CORO2B: variants seen among roughly 807,000 people sequenced by gnomAD.
The protein encoded by CORO2B is coronin-2B.
In CORO2B, 26 loss-of-function variants were observed where a neutral mutation model predicts 58.8. The observed-to-expected ratio is 0.44, with a 90% CI of 0.32 to 0.61. The LOEUF is 0.61. Ranked by LOEUF, CORO2B falls within the 20% of genes least tolerant of loss-of-function variation. CORO2B has a pLI of 0.04. For missense variants in CORO2B, 460 were observed against 645.1 expected (o/e 0.71, Z 3.11); for synonymous variants, 242 against 253.8 (o/e 0.95, Z 0.44).
At chr15:68,640,885 G>A (rs1384924544) in intron 1 of CORO2B, among the ~76,000 whole-genome samples, 1 of 152,218 alleles carries the variant, frequency 6.6e-6, no homozygotes, top group Non-Finnish European at 1.5e-5. Flanking sequence ...GAGCAGCAAA[G>A]TGTCTTTCCC....
chr15:68,653,631 G>A (rs1158332230), intron 2 of CORO2B, among the ~76,000 whole-genome samples: 2 of 152,318 alleles, frequency 1.3e-5, no homozygotes, highest in South Asian at 2.1e-4. Context: ...TAACTCTGGA[G>A]CTGAATCTAG....
the CORO2B span, among the ~76,000 whole-genome samples, chr15:68,533,337 G>A: frequency 2.0e-5 from 3 of 152,322 alleles, no homozygotes; most frequent in Admixed American, 6.5e-5. Context: ...TGGAAATCTT[G>A]TGTGCTGAAT....
Position 68,642,035 on chromosome 15 carries a change from CT to C in CORO2B, c.16-3106del, listed in dbSNP as rs33965107. On this transcript the variant is annotated intron_variant, in intron 1 of 11. Transcript: ENST00000261861. ...TGACTCACCTAACCCGGCCTAGCCT[CT>C]TTTTTTTTTTTTTTTTTTGAGACAG... Among the ~76,000 whole-genome samples, 209 of 115,926 alleles carry C rather than the reference CT, an allele frequency of 1.8e-3. 2 individuals are homozygous for C. The highest frequency in any genetic ancestry group is 0.01 in the Middle Eastern group (2 of 196). The allele number at this position is 115,926 out of a possible 152,430, so 76.1% of individuals were successfully genotyped here.
At chr15:68,523,959 C>T in the CORO2B span, among the ~76,000 whole-genome samples, 1 of 152,160 alleles carries the variant, frequency 6.6e-6, no homozygotes, top group Admixed American at 6.5e-5. Flanking sequence ...GCCTCAGTGG[C>T]TCATGCTTAC....
intron 1 of CORO2B, among the ~76,000 whole-genome samples, chr15:68,644,217 C>T (rs1453506098): frequency 1.3e-5 from 2 of 152,230 alleles, no homozygotes; most frequent in East Asian, 1.9e-4. Context: ...AGCAACGCCT[C>T]ATGTAGTGAC....
intron 2 of CORO2B, among the ~76,000 whole-genome samples, chr15:68,655,859 C>T (rs889903217): frequency 1.3e-5 from 2 of 152,158 alleles, no homozygotes; most frequent in Non-Finnish European, 2.9e-5. Context: ...TGGAAGCACC[C>T]TCATGTGTCA....
chr15:68,685,092 A>G (rs997601285), intron 2 of CORO2B, among the ~76,000 whole-genome samples: 1 of 151,810 alleles, frequency 6.6e-6, no homozygotes, highest in African/African-American at 2.4e-5. Context: ...TGCTGGGTTC[A>G]GCATGATCCA....
intron 3 of CORO2B, among the ~76,000 whole-genome samples, chr15:68,699,001 TTAG>T (rs1460708383): frequency 6.6e-6 from 1 of 152,060 alleles, no homozygotes; most frequent in Admixed American, 6.6e-5. Flanking sequence ...GAAGAGGTAG[TTAG>T]CTGGACTTTG....
chr15:68,526,393 A>G, the CORO2B span, among the ~76,000 whole-genome samples: 8 of 152,200 alleles, frequency 5.3e-5, no homozygotes, highest in Non-Finnish European at 1.0e-4. Flanking sequence ...GCAATGCTCC[A>G]CATCCTTCCA....
intron 1 of CORO2B, among the ~76,000 whole-genome samples, chr15:68,597,582 T>G (rs1461095970): frequency 1.3e-5 from 2 of 151,206 alleles, no homozygotes; most frequent in Admixed American, 1.3e-4. Context: ...TCAAAAGCAT[T>G]GCATTTAGCC....
At chr15:68,660,953 AC>A (rs1393576020) in intron 2 of CORO2B, among the ~76,000 whole-genome samples, 4 of 149,070 alleles carry the variant, frequency 2.7e-5, no homozygotes, top group African/African-American at 9.8e-5. Flanking sequence ...TCCATACAGT[AC>A]CATGTGTAAT....
chr15:68,646,133 C>T (rs2140273655), intron 2 of CORO2B, among the ~76,000 whole-genome samples: 1 of 152,120 alleles, frequency 6.6e-6, no homozygotes, highest in African/African-American at 2.4e-5. Context: ...ACCTTCTTCC[C>T]CATCCCCCAC....
chr15:68,709,858 A>G (rs925909396), intron 3 of CORO2B, among the ~76,000 whole-genome samples: 3 of 150,928 alleles, frequency 2.0e-5, no homozygotes, highest in Admixed American at 6.7e-5. Flanking sequence ...TTCTACCAGT[A>G]GGTGAAACAG....
chr15:68,694,747 G>A (rs1283806945), intron 2 of CORO2B, among the ~76,000 whole-genome samples: 2 of 152,210 alleles, frequency 1.3e-5, no homozygotes, highest in Non-Finnish European at 2.9e-5. Flanking sequence ...CGTGAACAAG[G>A]CAGATCGTGG....
Position 68,719,161 on chromosome 15 carries a change from A to G in CORO2B, c.1098A>G (p.Glu366=). 3 of 1,614,022 alleles carry G rather than the reference A, an allele frequency of 1.9e-6. No individual in the cohort carries two copies. The highest frequency in any genetic ancestry group is 2.5e-6 in the Non-Finnish European group (3 of 1,179,890). Reference sequence around the variant, plus strand: ...CACTGTAGTCAGATTCCTACCAGGAAGACATTTACCCAATGACACCAGGCA... The same window carrying G: ...CACTGTAGTCAGATTCCTACCAGGAGGACATTTACCCAATGACACCAGGCA... ...IVPRRSDSYQ[E]DIYPMTPGTE... Residue 366 remains glutamate, a synonymous_variant, in exon 10 of 12, where the codon GAA becomes GAG. Coordinates refer to ENST00000261861, the MANE Select transcript of CORO2B (RefSeq NM_006091.5).
chr15:68,591,868 G>A (rs1566979479), intron 1 of CORO2B, among the ~76,000 whole-genome samples: 1 of 152,166 alleles, frequency 6.6e-6, no homozygotes, highest in South Asian at 2.1e-4. Context: ...ATAGCATGGC[G>A]AGAAGAGCAC....
At chr15:68,709,455 TCG>T (rs139554042) in intron 3 of CORO2B, among the ~76,000 whole-genome samples, 6 of 129,558 alleles carry the variant, frequency 4.6e-5, no homozygotes, top group African/African-American at 8.1e-5. Flanking sequence ...GATTTTTTTT[TCG>T]TGTTTTTTTT....
the CORO2B span, among the ~76,000 whole-genome samples, chr15:68,540,231 G>A: frequency 6.6e-6 from 1 of 152,150 alleles, no homozygotes; most frequent in Admixed American, 6.5e-5. Flanking sequence ...GAATTATGTA[G>A]ATCTTCCAAA....
chr15:68,614,083 GCGGATTCTTGGGTTCT>G (rs1458018563), intron 1 of CORO2B, among the ~76,000 whole-genome samples: 2 of 152,170 alleles, frequency 1.3e-5, no homozygotes, highest in Non-Finnish European at 2.9e-5. Flanking sequence ...TTGTTAAAAT[GCGGATTCTTGGGTTCT>G]CACACAGACC....
Sources: gnomAD v4.1 joint callset for allele counts (sites outside exome capture counted in the v4.1 genomes callset) on GRCh38, gnomAD v4.1.1 for gene constraint, MANE v1.5 for transcripts, NCBI Gene and HGNC (gene_info 2026-07-23, HGNC 2026-07-21) for gene names.